SLC60A1: variants seen among roughly 807,000 people sequenced by gnomAD.
The protein encoded by SLC60A1 is major facilitator superfamily domain containing 4.
chr1:205,597,486 T>G, the SLC60A1 span: 4 of 230,160 alleles, frequency 1.7e-5, no homozygotes, highest in African/African-American at 9.4e-5. Context: ...ATTCATGGGC[T>G]CGAGGGACCC....
At chr1:205,590,503 G>C in the SLC60A1 span, among the ~76,000 whole-genome samples, 1 of 152,178 alleles carries the variant, frequency 6.6e-6, no homozygotes, top group Non-Finnish European at 1.5e-5. Context: ...TCTGGGTAAG[G>C]CCTCTGAGCC....
the SLC60A1 span, chr1:205,584,049 A>C: frequency 1.9e-6 from 3 of 1,613,874 alleles, no homozygotes; most frequent in Non-Finnish European, 2.5e-6. Flanking sequence ...TCTGCTGATG[A>C]GCTTGCCTTG....
the SLC60A1 span, among the ~76,000 whole-genome samples, chr1:205,596,031 T>C: frequency 0.045 from 6,846 of 152,028 alleles, 258 homozygotes; most frequent in African/African-American, 0.1. Context: ...GGTGGGGCAG[T>C]GAACAGAATG....
the SLC60A1 span, chr1:205,569,354 C>T: frequency 4.5e-5 from 59 of 1,299,808 alleles, no homozygotes; most frequent in Non-Finnish European, 5.8e-5. Context: ...CCACCCTCGC[C>T]GGGCCGACCC....
chr1:205,569,441 C>A, the SLC60A1 span: 1 of 411,734 alleles, frequency 2.4e-6, no homozygotes, highest in Non-Finnish European at 3.8e-6. Flanking sequence ...CGGCCGCGAC[C>A]ACCCCTCCCA....
At chr1:205,590,464 G>A in the SLC60A1 span, among the ~76,000 whole-genome samples, 1 of 152,164 alleles carries the variant, frequency 6.6e-6, no homozygotes, top group South Asian at 2.1e-4. Context: ...CTGTTTTGTG[G>A]CTGATCCCTC....
the SLC60A1 span, among the ~76,000 whole-genome samples, chr1:205,596,544 C>CAAAAAAAAAAAA: frequency 1.0e-3 from 50 of 49,138 alleles, 5 homozygotes; most frequent in East Asian, 1.6e-3. Flanking sequence ...GACTCTGTCT[C>CAAAAAAAAAAAA]AAAAAAAAAA....
the SLC60A1 span, among the ~76,000 whole-genome samples, chr1:205,581,406 C>T: frequency 2.6e-5 from 4 of 152,236 alleles, no homozygotes; most frequent in Non-Finnish European, 4.4e-5. This position sits in a 1 kb window ranked among gnomAD's most constrained non-coding sequence, Gnocchi z 4.2. Flanking sequence ...GTGGGAACAG[C>T]GAGAGACCAC....
chr1:205,593,626 C>T, the SLC60A1 span, among the ~76,000 whole-genome samples: 1 of 151,980 alleles, frequency 6.6e-6, no homozygotes. Context: ...CACCATCAGT[C>T]GTTAGGAATA....
the SLC60A1 span, among the ~76,000 whole-genome samples, chr1:205,597,364 A>C: frequency 7.2e-6 from 1 of 139,432 alleles, no homozygotes. Flanking sequence ...CCCAGAAGCA[A>C]CCTAGGTTGT....
the SLC60A1 span, chr1:205,597,623 T>C: frequency 3.0e-6 from 2 of 665,006 alleles, no homozygotes; most frequent in African/African-American, 1.8e-5. Context: ...CTTGAACTCC[T>C]GGCCTCAAGA....
At chr1:205,577,365 G>A in the SLC60A1 span, among the ~76,000 whole-genome samples, 12 of 152,320 alleles carry the variant, frequency 7.9e-5, 1 homozygote, top group South Asian at 1.9e-3. The surrounding 1 kb of genome is among the most constrained non-coding windows in gnomAD (Gnocchi z 5.2). Context: ...CACTAGCCAC[G>A]TCCAGGAACC....
chr1:205,591,682 T>C, the SLC60A1 span, among the ~76,000 whole-genome samples: 5 of 152,072 alleles, frequency 3.3e-5, no homozygotes, highest in South Asian at 4.1e-4. Flanking sequence ...CCCTGCTATC[T>C]GATGGCTTCC....
chr1:205,592,070 C>T, the SLC60A1 span: 1 of 1,590,220 alleles, frequency 6.3e-7, no homozygotes, highest in Non-Finnish European at 8.6e-7. Context: ...GACGCCGACT[C>T]CTGGCGGTTC....
the SLC60A1 span, among the ~76,000 whole-genome samples, chr1:205,592,545 C>G: frequency 2.6e-5 from 4 of 152,056 alleles, no homozygotes; most frequent in African/African-American, 9.7e-5. Flanking sequence ...CTCCCCACCC[C>G]ACAACTGTCC....
the SLC60A1 span, among the ~76,000 whole-genome samples, chr1:205,587,232 A>G: frequency 1.3e-5 from 2 of 152,220 alleles, no homozygotes; most frequent in Non-Finnish European, 1.5e-5. Flanking sequence ...CAAGGGGTTC[A>G]CTGTCTGCTT....
At chr1:205,583,472 G>A in the SLC60A1 span, among the ~76,000 whole-genome samples, 4 of 152,136 alleles carry the variant, frequency 2.6e-5, no homozygotes, top group African/African-American at 9.7e-5. Flanking sequence ...GTGTGACCAG[G>A]GCAGTCTCTC....
chr1:205,574,289 T>A, the SLC60A1 span, among the ~76,000 whole-genome samples: 6 of 151,774 alleles, frequency 4.0e-5, no homozygotes, highest in Admixed American at 6.6e-5. Context: ...TCAAAAAAAA[T>A]TTTAAATTAG....
chr1:205,596,418 G>C, the SLC60A1 span, among the ~76,000 whole-genome samples: 2 of 151,926 alleles, frequency 1.3e-5, no homozygotes, highest in Non-Finnish European at 2.9e-5. Context: ...GGCCAACATG[G>C]TGGAACCCCA....
Sources: gnomAD v4.1 joint callset for allele counts (sites outside exome capture counted in the v4.1 genomes callset) on GRCh38, gnomAD v4.1.1 for gene constraint, Gnocchi (gnomAD v3.1) non-coding constraint, MANE v1.5 for transcripts, NCBI Gene and HGNC (gene_info 2026-07-23, HGNC 2026-07-21) for gene names.